LRRC4C: variants seen among roughly 807,000 people sequenced by gnomAD.
The protein encoded by LRRC4C is leucine-rich repeat-containing protein 4C.
Under a neutral mutation model 33.6 loss-of-function variants are expected in LRRC4C, and 5 were observed. That is an observed-to-expected ratio of 0.15 (90% CI 0.08 to 0.31). LRRC4C has a LOEUF of 0.31. Among genes scored for constraint, LRRC4C ranks in the 10% least tolerant of loss-of-function variants. LRRC4C has a pLI of 1.00. For synonymous variants in LRRC4C, 329 were observed against 302.0 expected (o/e 1.09, Z -0.93); for missense variants, 560 against 796.7 (o/e 0.70, Z 3.58).
intron 1 of LRRC4C, among the ~76,000 whole-genome samples, chr11:41,444,887 T>C (rs1413143736): frequency 6.6e-6 from 1 of 151,270 alleles, no homozygotes; most frequent in Non-Finnish European, 1.5e-5. Context: ...CACTGCAACC[T>C]CCACCTCCCG....
rs138811617 is a variant in LRRC4C, at chr11:40,744,084, C to T, written c.-406-95806G>A. Among the ~76,000 whole-genome samples, 26 of 152,138 alleles carry T rather than the reference C, an allele frequency of 1.7e-4. No homozygotes were observed. The East Asian group carries it at 4.6e-3, about 27-fold the overall frequency. ...TGTATGTACATTTCTTTGTGTTCAC[C>T]GTGTTCCGGCACTTCTGTTTCTGTA... On this transcript the variant is annotated intron_variant, in intron 2 of 6. Transcript: ENST00000528697.
chr11:40,929,290 A>C (rs2136444807), intron 2 of LRRC4C, among the ~76,000 whole-genome samples: 2 of 152,340 alleles, frequency 1.3e-5, no homozygotes, highest in South Asian at 4.1e-4. Flanking sequence ...AAGGTCTAAA[A>C]GAGTTTAACT....
At chr11:40,394,702 A>G (rs1461324580) in intron 3 of LRRC4C, among the ~76,000 whole-genome samples, 1 of 152,128 alleles carries the variant, frequency 6.6e-6, no homozygotes, top group Non-Finnish European at 1.5e-5. Flanking sequence ...CAGAACAGGT[A>G]AATAATAGAA....
chr11:40,125,209 A>T (rs554101499), intron 6 of LRRC4C, among the ~76,000 whole-genome samples: 8 of 152,162 alleles, frequency 5.3e-5, no homozygotes, highest in Non-Finnish European at 8.8e-5. Context: ...GATTTCAGGA[A>T]TTTTTTTCTC....
intron 2 of LRRC4C, among the ~76,000 whole-genome samples, chr11:40,680,523 G>A (rs575183679): frequency 7.9e-5 from 12 of 152,238 alleles, no homozygotes; most frequent in African/African-American, 2.9e-4. Flanking sequence ...ATTGAATCTT[G>A]GAGGCGGATC....
At chr11:40,572,365 A>T (rs1032148125) in intron 3 of LRRC4C, among the ~76,000 whole-genome samples, 1 of 152,188 alleles carries the variant, frequency 6.6e-6, no homozygotes, top group East Asian at 1.9e-4. Flanking sequence ...GTAGCAGTAT[A>T]TCAGCAAGCA....
chr11:40,334,537 G>T (rs1038292522), intron 3 of LRRC4C, among the ~76,000 whole-genome samples: 1 of 152,138 alleles, frequency 6.6e-6, no homozygotes, highest in South Asian at 2.1e-4. Flanking sequence ...CTCATTAGGT[G>T]TGTGTACTCA....
At chr11:40,400,595 C>T (rs149952851) in intron 3 of LRRC4C, among the ~76,000 whole-genome samples, 14 of 152,148 alleles carry the variant, frequency 9.2e-5, no homozygotes, top group African/African-American at 3.4e-4. Context: ...TCTAGCTAGC[C>T]CTCCATCTCC....
At chr11:40,707,040 G>C (rs1405848464) in intron 2 of LRRC4C, among the ~76,000 whole-genome samples, 3 of 152,106 alleles carry the variant, frequency 2.0e-5, no homozygotes, top group Admixed American at 6.6e-5. Flanking sequence ...AAGTATACTT[G>C]TGATTTTTGC....
intron 1 of LRRC4C, among the ~76,000 whole-genome samples, chr11:41,254,907 C>A (rs999992230): frequency 1.3e-5 from 2 of 152,008 alleles, no homozygotes; most frequent in African/African-American, 2.4e-5. Context: ...GCAACTGATT[C>A]CATCACAGCC....
intron 2 of LRRC4C, among the ~76,000 whole-genome samples, chr11:40,861,217 A>G (rs932474345): frequency 1.3e-5 from 2 of 152,188 alleles, no homozygotes; most frequent in South Asian, 4.1e-4. Context: ...ATGCTAAGGC[A>G]TCTTAAAGTA....
chr11:41,252,755 C>T (rs1948682175), intron 1 of LRRC4C, among the ~76,000 whole-genome samples: 2 of 152,046 alleles, frequency 1.3e-5, no homozygotes, highest in African/African-American at 2.4e-5. Flanking sequence ...ACTGGGAAGG[C>T]CTCACAATCA....
At chr11:40,245,973 T>C (rs2034640) in intron 4 of LRRC4C, among the ~76,000 whole-genome samples, 105,543 of 141,260 alleles carry the variant, frequency 0.75, 41,912 homozygotes, top group Non-Finnish European at 0.89. Flanking sequence ...AAGTCCTAAC[T>C]TTTTTTTTTT....
intron 3 of LRRC4C, among the ~76,000 whole-genome samples, chr11:40,337,129 C>T (rs1445317221): frequency 6.6e-6 from 1 of 151,884 alleles, no homozygotes; most frequent in Non-Finnish European, 1.5e-5. Context: ...TGAAAAAGCA[C>T]TCCAGACAAA....
intron 1 of LRRC4C, among the ~76,000 whole-genome samples, chr11:41,007,710 C>T (rs968832410): frequency 6.6e-6 from 1 of 152,026 alleles, no homozygotes; most frequent in African/African-American, 2.4e-5. Context: ...AAATGTAGAA[C>T]ATTATTTAGC....
intron 1 of LRRC4C, among the ~76,000 whole-genome samples, chr11:41,342,073 A>G (rs1951659200): frequency 6.6e-6 from 1 of 151,734 alleles, no homozygotes; most frequent in African/African-American, 2.4e-5. Flanking sequence ...TAGGTGAGGC[A>G]TTGAAGCCTT....
chr11:40,755,766 G>T (rs753970874), intron 2 of LRRC4C, among the ~76,000 whole-genome samples: 11 of 152,018 alleles, frequency 7.2e-5, no homozygotes, highest in Non-Finnish European at 1.5e-4. Context: ...AGAGAAACTG[G>T]CATGGAAATT....
At chr11:40,319,417 T>C (rs1235165545) in intron 4 of LRRC4C, among the ~76,000 whole-genome samples, 1 of 152,216 alleles carries the variant, frequency 6.6e-6, no homozygotes, top group East Asian at 1.9e-4. Context: ...TGGGTAAATC[T>C]ATTTAATGCT....
At chr11:40,954,337 T>C (rs2136769667) in intron 1 of LRRC4C, among the ~76,000 whole-genome samples, 2 of 151,952 alleles carry the variant, frequency 1.3e-5, no homozygotes, top group South Asian at 4.1e-4. Context: ...TTCACAAATT[T>C]GGGAAATTAG....
Sources: allele counts gnomAD v4.1 joint callset (sites outside exome capture counted in the v4.1 genomes callset), GRCh38; gene constraint gnomAD v4.1.1; transcripts MANE v1.5; gene names NCBI Gene and HGNC (gene_info 2026-07-23, HGNC 2026-07-21).